Variants in TMEM132D observed in about 807,000 individuals in gnomAD.
TMEM132D encodes mature OL transmembrane protein.
A neutral mutation model predicts 62.3 loss-of-function variants in TMEM132D; 21 were observed. That is an observed-to-expected ratio of 0.34 (90% CI 0.24 to 0.49). The LOEUF (loss-of-function observed/expected upper bound fraction) is 0.49. Ranked by LOEUF, TMEM132D falls within the 20% of genes least tolerant of loss-of-function variation. The pLI is 0.99. For synonymous variants in TMEM132D, 621 were observed against 575.6 expected (o/e 1.08, Z -1.13); for missense variants, 1,346 against 1,402.8 (o/e 0.96, Z 0.65).
chr12:129,145,117 G>A (rs1440086311), intron 5 of TMEM132D, among the ~76,000 whole-genome samples: 3 of 152,120 alleles, frequency 2.0e-5, no homozygotes, highest in African/African-American at 2.4e-5. Flanking sequence ...GTATACATAT[G>A]TATAAACACA....
In TMEM132D at chr12:129,840,761, T is replaced by C. The variant is rs1201666181; in HGVS notation, c.79+62500A>G. Among the ~76,000 whole-genome samples the C allele has an allele frequency of 2.0e-5, 3 of 152,192 alleles. No individual in the cohort carries two copies. The East Asian group carries it at 5.8e-4, about 29-fold the overall frequency. ...AACACCAGCGAGCTTCTGAAGCCAC[T>C]AGCACCTCAGTTCCTCATCCTCAAA... On this transcript the variant is annotated intron_variant, in intron 1 of 8. Transcript: ENST00000422113.
chr12:129,716,126 T>C (rs1043773779), intron 1 of TMEM132D, among the ~76,000 whole-genome samples: 7 of 152,224 alleles, frequency 4.6e-5, no homozygotes, highest in Admixed American at 4.6e-4. Flanking sequence ...AGGCAGAATC[T>C]GGGGGAATTT....
intron 3 of TMEM132D, among the ~76,000 whole-genome samples, chr12:129,343,767 A>C (rs560226468): frequency 2.1e-4 from 32 of 149,308 alleles, no homozygotes; most frequent in African/African-American, 6.5e-4. Context: ...AAAACAAAAA[A>C]AAACAAAAAA....
rs181487252 is a variant in TMEM132D at position 129,078,816 on chromosome 12, C to T, written c.1924-91G>A. On this transcript the variant is annotated intron_variant, in intron 7 of 8. Transcript: ENST00000422113. Reference sequence around the variant, plus strand: ...GGAGGAAGTGCCAGTGTGCAGGCAGCGGCAGGGCAACATGTGAGCCAGAAT... The same window carrying T: ...GGAGGAAGTGCCAGTGTGCAGGCAGTGGCAGGGCAACATGTGAGCCAGAAT... 2.4e-4 allele frequency: 328 copies of T among 1,354,534 alleles called. 2 individuals are homozygous for T. In the East Asian group the frequency reaches 3.4e-3, roughly 14 times the overall value. The allele number at this position is 1,354,534 out of a possible 1,614,324, so 83.9% of individuals were successfully genotyped here.
At chr12:129,672,314 C>A (rs1007209628) in intron 2 of TMEM132D, among the ~76,000 whole-genome samples, 5 of 152,210 alleles carry the variant, frequency 3.3e-5, no homozygotes, top group Non-Finnish European at 7.3e-5. Flanking sequence ...CCTGCGCACT[C>A]TCATTTCCTA....
At chr12:129,731,183 T>G (rs1196110849) in intron 1 of TMEM132D, among the ~76,000 whole-genome samples, 1 of 151,956 alleles carries the variant, frequency 6.6e-6, no homozygotes, top group African/African-American at 2.4e-5. Context: ...TGAATCACAC[T>G]GTGGCTTCCT....
intron 3 of TMEM132D, among the ~76,000 whole-genome samples, chr12:129,449,489 C>A (rs1873204234): frequency 6.6e-6 from 1 of 152,168 alleles, no homozygotes; most frequent in Non-Finnish European, 1.5e-5. Context: ...TACTGTGGTG[C>A]AACACATATT....
chr12:129,813,345 C>G (rs548888567), intron 1 of TMEM132D, among the ~76,000 whole-genome samples: 22 of 151,862 alleles, frequency 1.4e-4, no homozygotes, highest in Non-Finnish European at 2.8e-4. Flanking sequence ...TAAGACCATC[C>G]AATTTCCCTG....
At chr12:129,408,990 T>C (rs1871884029) in intron 3 of TMEM132D, among the ~76,000 whole-genome samples, 2 of 152,194 alleles carry the variant, frequency 1.3e-5, no homozygotes, top group Admixed American at 6.5e-5. Flanking sequence ...TGGAGTGCAA[T>C]GGTGTGATCT....
chr12:129,354,948 G>A (rs1235663344), intron 3 of TMEM132D, among the ~76,000 whole-genome samples: 1 of 152,216 alleles, frequency 6.6e-6, no homozygotes, highest in African/African-American at 2.4e-5. Flanking sequence ...ATGTAGGGAA[G>A]TATGTTATGC....
chr12:129,699,007 T>C (rs1027897468), intron 2 of TMEM132D, among the ~76,000 whole-genome samples: 6 of 152,144 alleles, frequency 3.9e-5, no homozygotes, highest in African/African-American at 1.2e-4. Context: ...TTGAGTTATG[T>C]AGCAGTGCTA....
chr12:129,368,706 C>T (rs937619805), intron 3 of TMEM132D, among the ~76,000 whole-genome samples: 18 of 151,978 alleles, frequency 1.2e-4, no homozygotes, highest in African/African-American at 3.9e-4. Flanking sequence ...GACTCAAAAT[C>T]GGCTCCCTCT....
At chr12:129,278,659 G>T (rs1881061436) in intron 4 of TMEM132D, among the ~76,000 whole-genome samples, 9 of 152,136 alleles carry the variant, frequency 5.9e-5, no homozygotes, top group Admixed American at 5.9e-4. Flanking sequence ...AACTTCTGTG[G>T]GCTTTGGCTC....
At chr12:129,708,799 G>A (rs1881568855) in intron 1 of TMEM132D, among the ~76,000 whole-genome samples, 1 of 151,878 alleles carries the variant, frequency 6.6e-6, no homozygotes, top group Non-Finnish European at 1.5e-5. Context: ...GCTACATCTG[G>A]CAACCCAACT....
At chr12:129,746,407 T>A (rs748639433) in intron 1 of TMEM132D, among the ~76,000 whole-genome samples, 27 of 152,130 alleles carry the variant, frequency 1.8e-4, no homozygotes, top group Non-Finnish European at 3.1e-4. Context: ...AGGAGGCTGA[T>A]GAGAAAGAAG....
At chr12:129,630,984 A>G (rs1435321496) in intron 2 of TMEM132D, among the ~76,000 whole-genome samples, 1 of 152,184 alleles carries the variant, frequency 6.6e-6, no homozygotes, top group Non-Finnish European at 1.5e-5. Context: ...GCATTAAGAA[A>G]TGGAATCAAT....
chr12:129,631,321 G>T (rs1593097230), intron 2 of TMEM132D, among the ~76,000 whole-genome samples: 2 of 152,260 alleles, frequency 1.3e-5, no homozygotes, highest in Admixed American at 1.3e-4. Context: ...CAAATTATCA[G>T]TCGGCCTATC....
intron 3 of TMEM132D, among the ~76,000 whole-genome samples, chr12:129,373,721 T>G (rs577345761): frequency 6.6e-6 from 1 of 152,146 alleles, no homozygotes; most frequent in African/African-American, 2.4e-5. Flanking sequence ...GGCATACACA[T>G]TTCCTTCTTA....
intron 2 of TMEM132D, among the ~76,000 whole-genome samples, chr12:129,662,666 G>A (rs1021903707): frequency 9.2e-5 from 14 of 151,880 alleles, no homozygotes; most frequent in Non-Finnish European, 1.9e-4. Flanking sequence ...GGTGGCACAC[G>A]CCTGTAGTCC....
Sources: gnomAD v4.1 joint callset for allele counts (sites outside exome capture counted in the v4.1 genomes callset) on GRCh38, gnomAD v4.1.1 for gene constraint, MANE v1.5 for transcripts, NCBI Gene and HGNC (gene_info 2026-07-23, HGNC 2026-07-21) for gene names.